The following ESR1 variants were observed in gnomAD, a reference collection of about 807,000 sequenced individuals.
ESR1 encodes the protein estrogen receptor.
Under a neutral mutation model 52.7 loss-of-function variants are expected in ESR1, and 12 were observed. The ratio of observed to expected loss-of-function variants is 0.23; its 90% confidence interval spans 0.15 to 0.37. The LOEUF is 0.37. Ranked by LOEUF, ESR1 falls within the 10% of genes least tolerant of loss-of-function variation. ESR1 has a pLI of 1.00. For synonymous variants in ESR1, 305 were observed against 316.8 expected, an observed-to-expected ratio of 0.96 and a Z score of 0.39; for missense variants, 584 against 779.7, an observed-to-expected ratio of 0.75 and a Z score of 2.99.
intron 2 of ESR1, among the ~76,000 whole-genome samples, chr6:151,735,551 G>T (rs183014603): frequency 2.0e-5 from 3 of 152,146 alleles, no homozygotes; most frequent in African/African-American, 7.2e-5. Flanking sequence ...GGAGGTACTT[G>T]GTTGTTTGTT....
chr6:152,029,037 G>C (rs949251878), intron 5 of ESR1, among the ~76,000 whole-genome samples: 1 of 152,200 alleles, frequency 6.6e-6, no homozygotes, highest in Non-Finnish European at 1.5e-5. Context: ...ACAGGGTCTG[G>C]AGTGGACCTC....
At chr6:152,117,188 G>C (rs1239866013) in intron 6 of ESR1, among the ~76,000 whole-genome samples, 2 of 152,328 alleles carry the variant, frequency 1.3e-5, no homozygotes, top group East Asian at 3.9e-4. Flanking sequence ...GGAGGTGTGG[G>C]GCAAGGGGTG....
At chr6:152,068,812 A>T (rs751675868) in intron 6 of ESR1, among the ~76,000 whole-genome samples, 6 of 152,218 alleles carry the variant, frequency 3.9e-5, no homozygotes, top group Non-Finnish European at 8.8e-5. Flanking sequence ...CCATTCTGCA[A>T]ACTGCAGGGG....
intron 2 of ESR1, among the ~76,000 whole-genome samples, chr6:151,775,865 T>C (rs1785941746): frequency 6.6e-6 from 1 of 152,072 alleles, no homozygotes; most frequent in Admixed American, 6.5e-5. Context: ...ATGCTAGGTC[T>C]CAGATAGCAC....
Position 152,074,152 on chromosome 6 carries a change from G to A in ESR1, c.1369+13028G>A, listed in dbSNP as rs115063398. Among the ~76,000 whole-genome samples the A allele has an allele frequency of 3.6e-3, 545 of 152,222 alleles. 10 individuals are homozygous for A. Among genetic ancestry groups the A allele is most frequent in the African/African-American group, 0.012 (516 of 41,516 alleles). ...CCCAAAGTGCATAGTTTGCATTGGCGTTGGGCATTTTAGGGCTTTTGACAC... is the reference window on the plus strand; with the variant it reads ...CCCAAAGTGCATAGTTTGCATTGGCATTGGGCATTTTAGGGCTTTTGACAC... On this transcript the variant is annotated intron_variant, in intron 6 of 7. Coordinates refer to ENST00000206249, the MANE Select transcript of ESR1 (RefSeq NM_000125.4).
At chr6:151,763,633 G>A (rs986267129) in intron 2 of ESR1, among the ~76,000 whole-genome samples, 1 of 152,162 alleles carries the variant, frequency 6.6e-6, no homozygotes, top group Non-Finnish European at 1.5e-5. Context: ...AAATGCAGAC[G>A]TCCAGTCTTG....
chr6:151,929,574 T>A lies in ESR1; in HGVS notation c.761-14599T>A, dbSNP rs146347325. 1.1e-3 allele frequency among the ~76,000 whole-genome samples: 169 copies of A among 152,160 alleles called. 2 individuals carry two copies. The East Asian group carries it at 0.03, about 27-fold the overall frequency. On this transcript the variant is annotated intron_variant, in intron 3 of 7. Transcript: ENST00000206249. ...AACCACCATGGCACATGTATACTTA[T>A]GGAACAAAACTGCACATTCTGCACA...
At chr6:151,860,108 C>A (rs534563117) in intron 2 of ESR1, among the ~76,000 whole-genome samples, 19 of 152,124 alleles carry the variant, frequency 1.2e-4, no homozygotes, top group African/African-American at 4.3e-4. Flanking sequence ...CCTCTTCTTT[C>A]TTTACTTTTC....
At chr6:151,744,106 C>T (rs1583095908) in intron 2 of ESR1, among the ~76,000 whole-genome samples, 1 of 152,148 alleles carries the variant, frequency 6.6e-6, no homozygotes, top group African/African-American at 2.4e-5. Context: ...GTGCTGAACA[C>T]TATTCTACTA....
intron 2 of ESR1, among the ~76,000 whole-genome samples, chr6:151,844,871 T>C (rs976010887): frequency 2.0e-5 from 3 of 152,232 alleles, no homozygotes; most frequent in African/African-American, 7.2e-5. Flanking sequence ...GGAAATTTAT[T>C]TGAGGAAGTA....
chr6:151,823,182 G>T (rs1435656728), intron 1 of ESR1, among the ~76,000 whole-genome samples: 1 of 152,202 alleles, frequency 6.6e-6, no homozygotes, highest in Non-Finnish European at 1.5e-5. Flanking sequence ...ACATCTGGCA[G>T]CCCTAGCCAT....
intron 1 of ESR1, among the ~76,000 whole-genome samples, chr6:151,667,726 G>C (rs754396600): frequency 2.6e-5 from 4 of 152,166 alleles, no homozygotes; most frequent in Non-Finnish European, 4.4e-5. Flanking sequence ...CAGCGACAAA[G>C]CATTTCTATG....
chr6:151,658,111 G>A (rs1269268902), intron 1 of ESR1, among the ~76,000 whole-genome samples: 1 of 152,124 alleles, frequency 6.6e-6, no homozygotes, highest in Non-Finnish European at 1.5e-5. Context: ...GTACTTCTAA[G>A]CAATTCTCCC....
intron 5 of ESR1, among the ~76,000 whole-genome samples, chr6:152,032,500 GACAA>G (rs2044814945): frequency 6.6e-6 from 1 of 152,080 alleles, no homozygotes; most frequent in South Asian, 2.1e-4. Flanking sequence ...ACCAATAACA[GACAA>G]ACAGAGAGCC....
At chr6:151,685,495 A>T (rs1308548848) in intron 1 of ESR1, among the ~76,000 whole-genome samples, 1 of 152,214 alleles carries the variant, frequency 6.6e-6, no homozygotes, top group Non-Finnish European at 1.5e-5. Context: ...AGTACACCTT[A>T]GTAGTTGACA....
intron 2 of ESR1, among the ~76,000 whole-genome samples, chr6:151,791,391 G>A (rs1037672842): frequency 6.6e-6 from 1 of 152,186 alleles, no homozygotes; most frequent in Non-Finnish European, 1.5e-5. Flanking sequence ...CTGCCGCCAT[G>A]TAAGAAGCGC....
At chr6:151,975,762 T>A (rs73628478) in intron 4 of ESR1, among the ~76,000 whole-genome samples, 6,477 of 152,294 alleles carry the variant, frequency 0.043, 420 homozygotes, top group African/African-American at 0.14. Flanking sequence ...GACTAGTGTT[T>A]GACCAACAAC....
At chr6:151,758,807 C>T (rs1446320559) in intron 2 of ESR1, among the ~76,000 whole-genome samples, 1 of 150,564 alleles carries the variant, frequency 6.6e-6, no homozygotes, top group East Asian at 2.0e-4. Flanking sequence ...GGGGTGAGGA[C>T]AGGCAGTGAC....
chr6:152,036,860 GGAGGAACCCT>G (rs1356768823), intron 5 of ESR1, among the ~76,000 whole-genome samples: 1 of 152,168 alleles, frequency 6.6e-6, no homozygotes, highest in Non-Finnish European at 1.5e-5. Context: ...CAAGGCATGG[GGAGGAACCCT>G]GTTTACCTTT....
Sources: gnomAD v4.1 joint callset for allele counts (sites outside exome capture counted in the v4.1 genomes callset) on GRCh38, gnomAD v4.1.1 for gene constraint, MANE v1.5 for transcripts, NCBI Gene and HGNC (gene_info 2026-07-23, HGNC 2026-07-21) for gene names.